Variants in PCDH15 observed in about 807,000 individuals in gnomAD.
PCDH15 encodes the protein protocadherin-15.
PCDH15 carries 129 observed loss-of-function variants against 178.5 expected under a neutral mutation model. The ratio of observed to expected loss-of-function variants is 0.72; its 90% CI spans 0.63 to 0.84. The LOEUF (loss-of-function observed/expected upper bound fraction) is 0.84, where lower values mean the gene tolerates loss of function less well. PCDH15 is among the 40% of genes least tolerant of loss of function. PCDH15 has a pLI of 0.00. For missense variants in PCDH15, 2,230 were observed against 2,099.9 expected, an observed-to-expected ratio of 1.06 and a Z score of -1.21; for synonymous variants, 800 against 732.0, an observed-to-expected ratio of 1.09 and a Z score of -1.50.
intron 17 of PCDH15, among the ~76,000 whole-genome samples, chr10:54,074,959 A>G (rs997681600): frequency 6.6e-6 from 1 of 152,116 alleles, no homozygotes; most frequent in Non-Finnish European, 1.5e-5. Flanking sequence ...TTGCATTTCC[A>G]TAATATTTAG....
At chr10:55,547,518 G>C (rs953745012) in intron 2 of PCDH15, among the ~76,000 whole-genome samples, 1 of 152,074 alleles carries the variant, frequency 6.6e-6, no homozygotes, top group African/African-American at 2.4e-5. Context: ...AACACATAGA[G>C]AGCAAGGTGA....
chr10:54,769,501 C>A (rs1008127544), intron 1 of PCDH15, among the ~76,000 whole-genome samples: 1 of 150,614 alleles, frequency 6.6e-6, no homozygotes, highest in African/African-American at 2.5e-5. Flanking sequence ...TGCAAACTCA[C>A]CAAATTAGTG....
At chr10:53,921,442 GA>G (rs1423102542) in intron 25 of PCDH15, among the ~76,000 whole-genome samples, 8 of 151,720 alleles carry the variant, frequency 5.3e-5, no homozygotes, top group African/African-American at 1.9e-4. Flanking sequence ...TTTGGCCTCA[GA>G]AGTCCATTTT....
chr10:55,180,122 A>G (rs2132133322), intron 1 of PCDH15, among the ~76,000 whole-genome samples: 1 of 152,188 alleles, frequency 6.6e-6, no homozygotes, highest in African/African-American at 2.4e-5. Context: ...AAGAAGTCAC[A>G]AAATGGCTTT....
At chr10:55,379,006 C>T (rs1399424637) in intron 2 of PCDH15, among the ~76,000 whole-genome samples, 1 of 151,880 alleles carries the variant, frequency 6.6e-6, no homozygotes, top group African/African-American at 2.4e-5. Flanking sequence ...TATTTTTTCA[C>T]TGTCCCAACC....
At chr10:54,200,619 G>A (rs1004522881) in intron 10 of PCDH15, among the ~76,000 whole-genome samples, 13 of 151,920 alleles carry the variant, frequency 8.6e-5, no homozygotes, top group African/African-American at 2.4e-4. Context: ...CAAAATCACC[G>A]GTGCCTTTTA....
intron 18 of PCDH15, among the ~76,000 whole-genome samples, chr10:54,058,935 C>G (rs2093957809): frequency 6.6e-6 from 1 of 152,080 alleles, no homozygotes; most frequent in Non-Finnish European, 1.5e-5. Context: ...CTCAGATGAT[C>G]CACCCGCCTC....
intron 3 of PCDH15, among the ~76,000 whole-genome samples, chr10:54,467,132 C>G (rs972895279): frequency 1.3e-5 from 2 of 151,640 alleles, no homozygotes; most frequent in Admixed American, 1.3e-4. Flanking sequence ...TTTTCCAGTT[C>G]GAATGCCTTT....
intron 21 of PCDH15, among the ~76,000 whole-genome samples, chr10:53,978,998 T>G (rs932789195): frequency 6.6e-6 from 1 of 152,176 alleles, no homozygotes; most frequent in African/African-American, 2.4e-5. Context: ...TCTTCTTGTC[T>G]TCTTCTGAGC....
intron 2 of PCDH15, among the ~76,000 whole-genome samples, chr10:54,921,317 TTATTTA>T (rs144196557): frequency 0.073 from 11,130 of 152,030 alleles, 461 homozygotes; most frequent in Non-Finnish European, 0.097. Flanking sequence ...ATTTTTATTT[TTATTTA>T]TTTTTTTTTA....
chr10:54,433,370 T>C (rs1009311612), intron 3 of PCDH15, among the ~76,000 whole-genome samples: 1 of 152,076 alleles, frequency 6.6e-6, no homozygotes, highest in African/African-American at 2.4e-5. Flanking sequence ...TACAATGGAG[T>C]ACTATTCAGC....
rs572405849 is a variant in PCDH15 at position 54,572,975 on chromosome 10, T to A, written c.92-45098A>T. 2.0e-5 allele frequency among the ~76,000 whole-genome samples: 3 copies of A among 152,250 alleles called. No individual in the cohort carries two copies. The South Asian group carries it at 6.2e-4, about 32-fold the overall frequency. On this transcript the variant is annotated intron_variant, in intron 2 of 37. Coordinates refer to ENST00000644397, the MANE Select transcript of PCDH15 (RefSeq NM_001384140.1). ...ATCACATACCCTTTCAAGTTTTAAT[T>A]ATTCATCTGCAAATCCAAGATTATA...
At position 53,995,727 on chromosome 10, in the gene PCDH15, T is replaced by C. The variant is rs1338808451; in HGVS notation, c.2790A>G (p.Ile930Met). ...CATCCGGAGCCACCATCCCTTTGTA[T>C]ATTCGTTTACTAAAGACAGGAGGAT... ...NDYPPVFSKR[I>M]YKGMVAPDAV... Residue 930 changes from isoleucine (I) to methionine (M), a missense_variant, in exon 21 of 38, where the codon ATA becomes ATG. Ile to Met is a conservative substitution (Grantham distance 10). Transcript: ENST00000644397. 1 of 1,613,928 alleles carries C rather than the reference T, an allele frequency of 6.2e-7. No homozygotes were observed. Among genetic ancestry groups the C allele is most frequent in the Admixed American group, 1.7e-5 (1 of 60,004 alleles).
chr10:54,537,561 A>T (rs935180289), intron 2 of PCDH15, among the ~76,000 whole-genome samples: 7 of 152,236 alleles, frequency 4.6e-5, no homozygotes, highest in African/African-American at 1.4e-4. Context: ...TGCACATAAA[A>T]AACTTAATCT....
At chr10:54,471,636 T>G (rs1035839561) in intron 3 of PCDH15, among the ~76,000 whole-genome samples, 7 of 151,648 alleles carry the variant, frequency 4.6e-5, no homozygotes, top group African/African-American at 1.7e-4. Context: ...ATTTTAAATT[T>G]TATTTATATT....
intron 3 of PCDH15, among the ~76,000 whole-genome samples, chr10:54,453,125 T>C (rs2076586179): frequency 6.6e-6 from 1 of 152,038 alleles, no homozygotes; most frequent in Admixed American, 6.6e-5. Flanking sequence ...GAACTAGAAA[T>C]ACCATTTGAC....
intron 1 of PCDH15, among the ~76,000 whole-genome samples, chr10:55,208,272 C>G (rs1840460525): frequency 6.6e-6 from 1 of 152,008 alleles, no homozygotes; most frequent in Non-Finnish European, 1.5e-5. Context: ...TTCTGCTTAT[C>G]AAAAGAAAAC....
intron 3 of PCDH15, among the ~76,000 whole-genome samples, chr10:54,865,280 A>T (rs1244473429): frequency 2.0e-5 from 3 of 152,140 alleles, no homozygotes; most frequent in African/African-American, 7.2e-5. Flanking sequence ...TCTGGCTGTC[A>T]TCTTTCTCTT....
rs183300574 is a variant in PCDH15 at position 55,506,496 on chromosome 10, A to T, written c.-156+121129T>A. ...TGAAGCTATGTGAGTAGAGAGCTAC[A>T]TAAGAAAGTGTATTTGATTGGAATA... is the stretch of plus-strand genomic sequence containing the variant. On this transcript the variant is annotated intron_variant, in intron 2 of 5. Transcript: ENST00000613346. Among the ~76,000 whole-genome samples the T allele has an allele frequency of 3.3e-5, 5 of 151,582 alleles. No individual in the cohort carries two copies. In the Admixed American group the frequency reaches 3.3e-4, roughly 10 times the overall value.
Sources: allele counts gnomAD v4.1 joint callset (sites outside exome capture counted in the v4.1 genomes callset), GRCh38; gene constraint gnomAD v4.1.1; transcripts MANE v1.5; gene names NCBI Gene and HGNC (gene_info 2026-07-23, HGNC 2026-07-21).